PLEKHG4B: variants seen among roughly 807,000 people sequenced by gnomAD.
PLEKHG4B encodes pleckstrin homology and RhoGEF domain containing G4B.
Under a neutral mutation model 121.3 loss-of-function variants are expected in PLEKHG4B, and 111 were observed. The ratio of observed to expected loss-of-function variants is 0.92; its 90% confidence interval spans 0.78 to 1.07. The LOEUF is 1.07. Among genes scored for constraint, PLEKHG4B ranks in the 50% least tolerant of loss-of-function variants. PLEKHG4B has a pLI of 0.00. For synonymous variants in PLEKHG4B, 738 were observed against 725.0 expected (o/e 1.02, Z -0.29); for missense variants, 1,831 against 1,757.8 (o/e 1.04, Z -0.74).
rs139183247 is a variant in PLEKHG4B at position 151,986 on chromosome 5, T to C, written c.1992+387T>C. Among the ~76,000 whole-genome samples, 418 of 152,366 alleles carry C rather than the reference T, an allele frequency of 2.7e-3. 4 individuals are homozygous for C. The highest frequency in any genetic ancestry group is 9.5e-3 in the African/African-American group (395 of 41,578). On this transcript the variant is annotated intron_variant, in intron 7 of 19. Transcript: ENST00000637938. ...CTGCTCTGTTGCCTTCTGGCCTCCATAATTTTAGAAGAAAAGTTCATCATA... is the reference window on the plus strand; with the variant it reads ...CTGCTCTGTTGCCTTCTGGCCTCCACAATTTTAGAAGAAAAGTTCATCATA...
At chr5:96,012 C>G (rs1733618544) in intron 1 of PLEKHG4B, among the ~76,000 whole-genome samples, 1 of 152,232 alleles carries the variant, frequency 6.6e-6, no homozygotes, top group South Asian at 2.1e-4. Flanking sequence ...CCTGCATTCA[C>G]TGGGACATCG....
Position 156,001 on chromosome 5 carries a change from C to T in PLEKHG4B, c.2209-70C>T, listed in dbSNP as rs1440346791. The T allele has an allele frequency of 7.9e-6, 11 of 1,385,762 alleles. No individual in the cohort carries two copies. The highest frequency in any genetic ancestry group is 1.1e-5 in the Non-Finnish European group (11 of 1,035,774). The allele number at this position is 1,385,762 out of a possible 1,614,324, so 85.8% of individuals were successfully genotyped here. A position where few individuals can be genotyped will look rare whatever the true frequency, so the allele number is the denominator to read the frequency against. On this transcript the variant is annotated intron_variant, in intron 9 of 19. Coordinates refer to ENST00000637938, the MANE Select transcript of PLEKHG4B (RefSeq NM_052909.5). This position sits in a 1 kb window ranked among gnomAD's most constrained non-coding sequence, Gnocchi z 4.4. The stretch of plus-strand genomic sequence containing the variant: ...TTATGGAAACAGGACATTCCTGCCA[C>T]TGTCACACTTGGGAGGACCTGCCCC...
intron 1 of PLEKHG4B, among the ~76,000 whole-genome samples, chr5:93,252 C>A (rs1270048924): frequency 2.0e-5 from 3 of 152,130 alleles, no homozygotes; most frequent in Non-Finnish European, 2.9e-5. Flanking sequence ...GTAGGTTTCT[C>A]AGCTTCCCGA....
chr5:94,344 C>G (rs1046331223), intron 1 of PLEKHG4B, among the ~76,000 whole-genome samples: 1 of 152,228 alleles, frequency 6.6e-6, no homozygotes, highest in African/African-American at 2.4e-5. Context: ...CCTCAGGTGC[C>G]ACGTGTGTGG....
intron 13 of PLEKHG4B, among the ~76,000 whole-genome samples, chr5:164,852 AGG>A (rs1165009616): frequency 1.2e-5 from 1 of 85,618 alleles, no homozygotes; most frequent in East Asian, 3.0e-4. Context: ...ATGCTGTGAC[AGG>A]GGGCGGGGCT....
At chr5:109,474 A>AC (rs1031214526) in intron 1 of PLEKHG4B, among the ~76,000 whole-genome samples, 3 of 147,814 alleles carry the variant, frequency 2.0e-5, no homozygotes, top group African/African-American at 7.6e-5. Flanking sequence ...TCCCATACCC[A>AC]CCCCCAGGTG....
chr5:136,816 A>AAC (rs1734998712), intron 2 of PLEKHG4B, among the ~76,000 whole-genome samples: 1 of 152,234 alleles, frequency 6.6e-6, no homozygotes, highest in African/African-American at 2.4e-5. Context: ...CAAAAGAGTG[A>AAC]ACACAGAATC....
intron 1 of PLEKHG4B, among the ~76,000 whole-genome samples, chr5:108,989 C>G (rs1320866542): frequency 6.6e-6 from 1 of 152,184 alleles, no homozygotes; most frequent in Non-Finnish European, 1.5e-5. Flanking sequence ...GAGCGAGCCT[C>G]CTGGGGGTGT....
In PLEKHG4B at chr5:184,020, G is replaced by GATAGATAA. The variant is rs1560962138; in HGVS notation, c.*1704_*1705insAATAGATA. The GATAGATAA allele has an allele frequency of 9.3e-5, 14 of 151,076 alleles. No individual in the cohort carries two copies. Among genetic ancestry groups the GATAGATAA allele is most frequent in the African/African-American group, 3.5e-4 (14 of 40,550 alleles). The allele number at this position is 151,076 out of a possible 1,614,324, so 9.4% of individuals were successfully genotyped here. A position where few individuals can be genotyped will look rare whatever the true frequency, so the allele number is the denominator to read the frequency against. On this transcript the variant is annotated 3_prime_UTR_variant, in exon 20 of 20. Coordinates refer to ENST00000637938, the MANE Select transcript of PLEKHG4B (RefSeq NM_052909.5). ...AGATAGATAGATAGATAGATAGATA[G>GATAGATAA]ATAGATAGACTGACAGACAGATGAG...
At chr5:181,306 C>T (rs907591138) in intron 18 of PLEKHG4B, among the ~76,000 whole-genome samples, 5 of 152,130 alleles carry the variant, frequency 3.3e-5, no homozygotes, top group Admixed American at 1.3e-4. Context: ...GTTACTGCCT[C>T]GGGCTCCCTG....
Position 156,342 on chromosome 5 carries a change from C to T in PLEKHG4B, c.2348+132C>T. The T allele has an allele frequency of 1.9e-6, 2 of 1,034,746 alleles. No individual in the cohort carries two copies. Among genetic ancestry groups the T allele is most frequent in the Non-Finnish European group, 2.5e-6 (2 of 785,016 alleles). 64.1% of individuals were successfully genotyped at this position (1,034,746 alleles called of 1,614,324 possible). A position where few individuals can be genotyped will look rare whatever the true frequency, so the allele number is the denominator to read the frequency against. On this transcript the variant is annotated intron_variant, in intron 10 of 19. Transcript: ENST00000637938. This position sits in a 1 kb window ranked among gnomAD's most constrained non-coding sequence, Gnocchi z 4.4. The stretch of plus-strand genomic sequence containing the variant: ...TGCTTGGTCCAGACCTCCATTCTGA[C>T]AGCCACGCTTTGCCTGGGTCAGAGC...
rs1163589778 is a variant in PLEKHG4B at position 101,397 on chromosome 5, A to G, written c.45+9121A>G. Among the ~76,000 whole-genome samples the G allele has an allele frequency of 6.7e-4, 76 of 113,188 alleles. 1 individual carries two copies. Among genetic ancestry groups the G allele is most frequent in the African/African-American group, 9.0e-4 (20 of 22,222 alleles). 74.3% of individuals were successfully genotyped at this position (113,188 alleles called of 152,430 possible). On this transcript the variant is annotated intron_variant, in intron 1 of 19. Transcript: ENST00000637938. ...GAGGTTAATCCATATAAAGCCCTGG[A>G]AAAAGCCTGTAGGGGAGAGACTGTT...
chr5:181,630 G>A lies in PLEKHG4B; in HGVS notation c.4519G>A (p.Ala1507Thr), dbSNP rs1433033122. Reference sequence around the variant, plus strand: ...GATAAGCGACCGGGCTCCCAAATGTGCAGTGATGAGCGACCGAGTCCCCGA... The same window carrying A: ...GATAAGCGACCGGGCTCCCAAATGTACAGTGATGAGCGACCGAGTCCCCGA... ...AVISDRAPKC[A>T]VMSDRVPDSI... The change falls in exon 19 of 20, where the codon GCA becomes ACA. Residue 1507 changes from alanine (A) to threonine (T), a missense_variant. Ala to Thr is a moderately conservative substitution (Grantham distance 58). Coordinates refer to ENST00000637938, the MANE Select transcript of PLEKHG4B (RefSeq NM_052909.5). 2 of 1,613,744 alleles carry A rather than the reference G, an allele frequency of 1.2e-6. No individual in the cohort carries two copies. Among genetic ancestry groups the A allele is most frequent in the African/African-American group, 1.3e-5 (1 of 74,924 alleles).
At chr5:162,116 G>T (rs967044459) in intron 12 of PLEKHG4B, among the ~76,000 whole-genome samples, 172 bp downstream of exon 12, 5 of 152,218 alleles carry the variant, frequency 3.3e-5, no homozygotes, top group African/African-American at 1.2e-4. Flanking sequence ...AGAAGGCTCT[G>T]AGCCGACCTG....
intron 1 of PLEKHG4B, among the ~76,000 whole-genome samples, chr5:98,454 G>C (rs1474447838): frequency 1.9e-4 from 1 of 5,138 alleles, no homozygotes; most frequent in Non-Finnish European, 6.9e-4. Context: ...TTTTTTTTTT[G>C]AGATGGAGTC....
intron 7 of PLEKHG4B, among the ~76,000 whole-genome samples, chr5:153,539 C>T (rs1263736964): frequency 6.6e-6 from 1 of 152,204 alleles, no homozygotes; most frequent in Non-Finnish European, 1.5e-5. Flanking sequence ...GCAGAGTTTA[C>T]ACACATACCG....
chr5:162,054 GC>G lies in PLEKHG4B; in HGVS notation c.2649+112del, dbSNP rs752787788. On this transcript the variant is annotated intron_variant, in intron 12 of 19. Transcript: ENST00000637938. ...GAGTGGGCCAGGCTGTGGGACAGAG[GC>G]CGGGCACCTGCGATGGAGCCCCCCT... 7.0e-4 allele frequency: 960 copies of G among 1,376,524 alleles called. 2 individuals are homozygous for G. Among genetic ancestry groups the G allele is most frequent in the Non-Finnish European group, 8.7e-4 (908 of 1,042,534 alleles). 85.3% of individuals were successfully genotyped at this position (1,376,524 alleles called of 1,614,324 possible).
Position 151,575 on chromosome 5 carries a change from G to A in PLEKHG4B, c.1968G>A (p.Arg656=). The A allele has an allele frequency of 6.3e-7, 1 of 1,589,286 alleles. No homozygotes were observed. The part of the protein sequence containing the change: ...LLLVDKESAF[R]PDKDAIIQCE... ...TGGTAGATAAAGAATCTGCATTTAG[G>A]CCTGACAAGGATGCAATAATTCAGG... The change falls in exon 7 of 20, where the codon AGG becomes AGA. Residue 656 remains arginine (R), a synonymous_variant. Coordinates refer to ENST00000637938, the MANE Select transcript of PLEKHG4B (RefSeq NM_052909.5).
rs755871228 is a variant in PLEKHG4B at position 171,197 on chromosome 5, T to TCA, written c.3820-15_3820-14dup. On this transcript the variant is annotated splice_polypyrimidine_tract_variant and intron_variant, in intron 15 of 19. Transcript: ENST00000637938. ...CTCAGCCAGGCCGGAGCTGACCCTC[T>TCA]CACCCGGCCCTTGCAGGACAAGCAG... 6.2e-7 allele frequency: 1 copy of TCA among 1,602,392 alleles called. No individual in the cohort carries two copies. The highest frequency in any genetic ancestry group is 8.5e-7 in the Non-Finnish European group (1 of 1,171,910).
Sources: gnomAD v4.1 joint callset for allele counts (sites outside exome capture counted in the v4.1 genomes callset) on GRCh38, gnomAD v4.1.1 for gene constraint, Gnocchi (gnomAD v3.1) non-coding constraint, MANE v1.5 for transcripts, NCBI Gene and HGNC (gene_info 2026-07-23, HGNC 2026-07-21) for gene names.